TTC7A: variants seen among roughly 807,000 people sequenced by gnomAD.
The protein encoded by TTC7A is tetratricopeptide repeat domain 7A, also known as tetratricopeptide repeat protein 7A.
TTC7A carries 110 observed loss-of-function variants against 103.7 expected under a neutral mutation model. The observed-to-expected ratio is 1.06, with a 90% CI of 0.91 to 1.24. The LOEUF (loss-of-function observed/expected upper bound fraction) is 1.24. TTC7A is among the 50% of genes most tolerant of loss of function. The pLI is 0.00. For synonymous variants in TTC7A, 521 were observed against 467.9 expected (o/e 1.11, Z -1.47); for missense variants, 1,340 against 1,116.3 (o/e 1.20, Z -2.86).
chr2:47,040,416 TAA>T (rs1681610675), intron 15 of TTC7A: 1 of 152,276 alleles, frequency 6.6e-6, no homozygotes, highest in South Asian at 2.1e-4. Context: ...CGTTCGGCCT[TAA>T]AAGACCTCAG....
At chr2:46,936,323 G>C (rs1669977935), upstream of TTC7A, among the ~76,000 whole-genome samples, 1 of 152,132 alleles carries the variant, frequency 6.6e-6, no homozygotes, top group South Asian at 2.1e-4. Flanking sequence ...GAAGAAGATA[G>C]GTGTAGGTCT....
At chr2:47,054,495 C>A (rs74779880) in intron 18 of TTC7A, among the ~76,000 whole-genome samples, 21,653 of 152,052 alleles carry the variant, frequency 0.14, 2,578 homozygotes, top group East Asian at 0.6. Flanking sequence ...CCCTAACTGC[C>A]GAGGGCTCTG....
At chr2:47,054,112 T>C (rs1683124554) in intron 18 of TTC7A, 3 of 985,322 alleles carry the variant, frequency 3.0e-6, no homozygotes, top group Non-Finnish European at 3.6e-6. Flanking sequence ...AGAAGAGAAC[T>C]CCGAGAACAG....
At chr2:47,069,645 T>G (rs972984184) in intron 19 of TTC7A, among the ~76,000 whole-genome samples, 2 of 152,208 alleles carry the variant, frequency 1.3e-5, no homozygotes, top group Non-Finnish European at 2.9e-5. Context: ...GTTTTCAGCC[T>G]GGAGAGGCGC....
chr2:46,960,737 C>T (rs1234554652), intron 3 of TTC7A, among the ~76,000 whole-genome samples: 1 of 152,202 alleles, frequency 6.6e-6, no homozygotes, highest in Non-Finnish European at 1.5e-5. Context: ...AGGAAGTTCA[C>T]GCAGCCTATA....
chr2:46,953,607 C>T (rs1444744272), intron 2 of TTC7A, among the ~76,000 whole-genome samples: 1 of 152,072 alleles, frequency 6.6e-6, no homozygotes, highest in Non-Finnish European at 1.5e-5. Flanking sequence ...GTCCTGAGGC[C>T]CCTCCTTGGG....
chr2:46,931,692 T>TAATAAATAAATAAATAAATAAATAAATA (rs10524721), intron 2 of TTC7A, among the ~76,000 whole-genome samples: 1 of 148,548 alleles, frequency 6.7e-6, no homozygotes, highest in Non-Finnish European at 1.5e-5. Flanking sequence ...AAACAGACAA[T>TAATAAATAAATAAATAAATAAATAAATA]AATAAATAAA....
chr2:46,995,034 C>T (rs946725112), intron 7 of TTC7A, 102 bp from the exon 8 acceptor site: 27 of 1,070,942 alleles, frequency 2.5e-5, no homozygotes, highest in Non-Finnish European at 3.5e-5. Context: ...GTCACCTTAC[C>T]GAGCTGGTGC....
intron 11 of TTC7A, among the ~76,000 whole-genome samples, chr2:47,019,605 C>T (rs925450462): frequency 6.6e-6 from 1 of 151,972 alleles, no homozygotes; most frequent in African/African-American, 2.4e-5. Context: ...CTTTATAAAG[C>T]TAAAGGATGA....
intron 2 of TTC7A, among the ~76,000 whole-genome samples, chr2:46,929,077 C>T (rs1049476282): frequency 3.3e-5 from 5 of 151,604 alleles, no homozygotes; most frequent in African/African-American, 4.9e-5. Context: ...GTGGGAGAAT[C>T]GCTTGAACCT....
At chr2:47,060,397 AAAAAG>A (rs1334943380) in intron 18 of TTC7A, among the ~76,000 whole-genome samples, 6 of 152,028 alleles carry the variant, frequency 3.9e-5, no homozygotes, top group African/African-American at 7.2e-5. Context: ...TTTTTTTAAA[AAAAAG>A]GCTGCAGTGA....
At chr2:47,063,049 C>T (rs932123253) in intron 19 of TTC7A, among the ~76,000 whole-genome samples, 11 of 152,236 alleles carry the variant, frequency 7.2e-5, no homozygotes, top group African/African-American at 2.4e-4. Context: ...TTGCTAAGCG[C>T]TCATTTTCTA....
chr2:46,932,756 C>T (rs1179441776), intron 2 of TTC7A, among the ~76,000 whole-genome samples: 3 of 151,582 alleles, frequency 2.0e-5, no homozygotes, highest in Non-Finnish European at 4.4e-5. Flanking sequence ...CAAAAATTAG[C>T]CAAGAGTGGT....
chr2:47,023,575 C>A, intron 13 of TTC7A, 110 bp downstream of exon 13: 2 of 1,181,026 alleles, frequency 1.7e-6, no homozygotes, highest in Non-Finnish European at 2.5e-6. Flanking sequence ...TTTCTATCTC[C>A]ATTTTACAGA....
rs145556823 is a variant in TTC7A, at chr2:46,930,517, T to TTG, written c.82+13240_82+13241insTG. On this transcript the variant is annotated intron_variant, in intron 2 of 20. Transcript: ENST00000409245. ...CTATAATTTTTTTTTTTTTTTTTTT[T>TTG]AGACAAAGTCTCACTCTTGTACCCC... 5.8e-3 allele frequency among the ~76,000 whole-genome samples: 851 copies of TTG among 145,848 alleles called. 16 individuals carry two copies. Among genetic ancestry groups the TTG allele is most frequent in the African/African-American group, 0.02 (790 of 38,688 alleles).
chr2:46,917,371 T>G, intron 2 of TTC7A: 1 of 591,938 alleles, frequency 1.7e-6, no homozygotes, highest in Non-Finnish European at 3.0e-6. Context: ...GAACTTTGGA[T>G]TAGTTTGATC....
chr2:46,974,251 G>C (rs1483459970), intron 3 of TTC7A, among the ~76,000 whole-genome samples: 7 of 152,244 alleles, frequency 4.6e-5, no homozygotes, highest in Admixed American at 4.6e-4. Flanking sequence ...GCAAAAAGCA[G>C]GGGCTTTTAA....
At chr2:47,065,851 A>C (rs899003138) in intron 19 of TTC7A, 2 of 152,070 alleles carry the variant, frequency 1.3e-5, no homozygotes, top group African/African-American at 4.8e-5. Context: ...ACCCTCAAGC[A>C]TGAGTGGACA....
chr2:47,011,527 C>T, intron 11 of TTC7A, 92 bp downstream of exon 11: 1 of 1,004,362 alleles, frequency 1.0e-6, no homozygotes, highest in Non-Finnish European at 1.5e-6. Context: ...TGTGTGGGTG[C>T]ATGCCGAAGG....
Sources: allele counts gnomAD v4.1 joint callset (sites outside exome capture counted in the v4.1 genomes callset), GRCh38; gene constraint gnomAD v4.1.1; transcripts MANE v1.5; gene names NCBI Gene and HGNC (gene_info 2026-07-23, HGNC 2026-07-21).